Variants in CNTN5 observed in about 807,000 individuals in gnomAD.
CNTN5 encodes contactin 5.
Under a neutral mutation model 129.1 loss-of-function variants are expected in CNTN5, and 77 were observed. That is an observed-to-expected ratio of 0.60 (90% CI 0.50 to 0.72). The LOEUF is 0.72. Ranked by LOEUF, CNTN5 falls within the 30% of genes least tolerant of loss-of-function variation. The pLI, the probability that CNTN5 is intolerant of heterozygous loss-of-function variation, is 0.00. For missense variants in CNTN5, 1,478 were observed against 1,328.8 expected (o/e 1.11, Z -1.75); for synonymous variants, 509 against 465.6 (o/e 1.09, Z -1.20).
intron 24 of CNTN5, among the ~76,000 whole-genome samples, chr11:100,353,167 A>G (rs1952452712): frequency 6.6e-6 from 1 of 151,586 alleles, no homozygotes; most frequent in African/African-American, 2.4e-5. Flanking sequence ...CAAGAAAAAA[A>G]TTGTCAACTT....
At chr11:99,875,088 T>C (rs1004498173) in intron 6 of CNTN5, among the ~76,000 whole-genome samples, 6 of 152,208 alleles carry the variant, frequency 3.9e-5, no homozygotes, top group African/African-American at 1.4e-4. Flanking sequence ...ATTATACTGA[T>C]ACATATAACC....
chr11:99,158,950 T>C (rs1243910720), intron 1 of CNTN5, among the ~76,000 whole-genome samples: 1 of 152,206 alleles, frequency 6.6e-6, no homozygotes, highest in African/African-American at 2.4e-5. Context: ...CAATAATTCA[T>C]TCTTATTACA....
intron 1 of CNTN5, among the ~76,000 whole-genome samples, chr11:99,278,667 A>G (rs929377238): frequency 6.6e-6 from 1 of 151,712 alleles, no homozygotes; most frequent in East Asian, 1.9e-4. Context: ...TGCTATCCGC[A>G]CTTTACCAAG....
chr11:99,813,467 C>T (rs1458541919), intron 3 of CNTN5, among the ~76,000 whole-genome samples: 2 of 151,964 alleles, frequency 1.3e-5, no homozygotes, highest in African/African-American at 4.8e-5. Flanking sequence ...GAAGCAAAAC[C>T]ACAAAAAGAG....
intron 15 of CNTN5, among the ~76,000 whole-genome samples, chr11:100,204,561 C>T (rs12281997): frequency 0.044 from 6,591 of 150,668 alleles, 323 homozygotes; most frequent in African/African-American, 0.12. Flanking sequence ...CTATAGCCCC[C>T]ACCTCCCAGA....
intron 1 of CNTN5, among the ~76,000 whole-genome samples, chr11:99,121,259 C>G (rs906467303): frequency 2.0e-5 from 3 of 151,890 alleles, no homozygotes; most frequent in Admixed American, 1.3e-4. Context: ...TTCAGCCTTC[C>G]AAGTAGCTGG....
intron 3 of CNTN5, among the ~76,000 whole-genome samples, chr11:99,627,750 G>A (rs534179517): frequency 6.6e-6 from 1 of 151,786 alleles, no homozygotes; most frequent in East Asian, 1.9e-4. Context: ...TTAATATCTG[G>A]GCCAGCCAGG....
intron 13 of CNTN5, among the ~76,000 whole-genome samples, chr11:100,162,341 T>C (rs1947483772): frequency 6.6e-6 from 1 of 151,938 alleles, no homozygotes; most frequent in South Asian, 2.1e-4. Flanking sequence ...TTATACTTTA[T>C]TCTATTCACT....
chr11:100,275,930 G>A (rs1174767059), intron 18 of CNTN5, among the ~76,000 whole-genome samples: 1 of 152,174 alleles, frequency 6.6e-6, no homozygotes, highest in African/African-American at 2.4e-5. Flanking sequence ...AGACACCAAT[G>A]TCTGGAGACA....
chr11:99,781,868 T>C lies in CNTN5; in HGVS notation c.56-37676T>C, dbSNP rs7105336. On this transcript the variant is annotated intron_variant, in intron 3 of 24. Transcript: ENST00000524871. Reference sequence around the variant, plus strand: ...ATCTATGACAAACGCACAGCCAATATCATACTGAATGGGCAAAAACTGGAA... The same window carrying C: ...ATCTATGACAAACGCACAGCCAATACCATACTGAATGGGCAAAAACTGGAA... Among the ~76,000 whole-genome samples the C allele has an allele frequency of 5.0e-3, 760 of 152,160 alleles. 6 individuals are homozygous for C. The highest frequency in any genetic ancestry group is 0.017 in the African/African-American group (720 of 41,520).
At chr11:100,337,564 A>G (rs1422759921) in intron 21 of CNTN5, 8 of 744,292 alleles carry the variant, frequency 1.1e-5, no homozygotes, top group Middle Eastern at 2.5e-4. Flanking sequence ...TTTCTGAGCA[A>G]TGAGGGGCAC....
At chr11:99,174,885 T>G (rs2135549506) in intron 1 of CNTN5, among the ~76,000 whole-genome samples, 1 of 152,234 alleles carries the variant, frequency 6.6e-6, no homozygotes, top group East Asian at 1.9e-4. Context: ...ATGTAAAAAT[T>G]ATAATTTCTA....
In CNTN5 at chr11:99,562,520, G is replaced by T. The variant is rs543236794; in HGVS notation, c.55+6251G>T. ...ATATAAATATTAGTTTATTAACTGT[G>T]GTACATGTTTCATACTACCATGAGA... On this transcript the variant is annotated intron_variant, in intron 3 of 24. Transcript: ENST00000524871. 3.3e-5 allele frequency among the ~76,000 whole-genome samples: 5 copies of T among 152,082 alleles called. No individual in the cohort carries two copies. In the South Asian group the frequency reaches 8.3e-4, roughly 25 times the overall value.
At chr11:100,012,395 T>C (rs553384647) in intron 9 of CNTN5, among the ~76,000 whole-genome samples, 95 of 152,264 alleles carry the variant, frequency 6.2e-4, no homozygotes, top group Non-Finnish European at 1.2e-3. Flanking sequence ...CTTCCTGTGA[T>C]GTTCTTGACG....
At chr11:99,736,530 C>A (rs1943716405) in intron 3 of CNTN5, among the ~76,000 whole-genome samples, 1 of 152,110 alleles carries the variant, frequency 6.6e-6, no homozygotes, top group Non-Finnish European at 1.5e-5. Context: ...CTGTGTTAGA[C>A]GATTGTATCT....
At chr11:99,963,219 A>G (rs1407488804) in intron 8 of CNTN5, among the ~76,000 whole-genome samples, 4 of 152,174 alleles carry the variant, frequency 2.6e-5, no homozygotes, top group African/African-American at 4.8e-5. Flanking sequence ...TGTTTTAGAC[A>G]TGAAGTCCTT....
chr11:99,222,424 A>G (rs1433318137), intron 1 of CNTN5, among the ~76,000 whole-genome samples: 1 of 151,786 alleles, frequency 6.6e-6, no homozygotes, highest in African/African-American at 2.4e-5. Context: ...GTGTCAAAAA[A>G]CTCACTAAAC....
At chr11:100,128,031 T>C (rs11822689) in intron 13 of CNTN5, among the ~76,000 whole-genome samples, 10,238 of 152,138 alleles carry the variant, frequency 0.067, 834 homozygotes, top group African/African-American at 0.19. Flanking sequence ...TCTAATATCC[T>C]TTCTGCAGAT....
chr11:99,492,011 T>C (rs1211918997), intron 2 of CNTN5, among the ~76,000 whole-genome samples: 1 of 152,154 alleles, frequency 6.6e-6, no homozygotes, highest in Admixed American at 6.5e-5. Flanking sequence ...GGAATTGTGC[T>C]CTGTTGAAGG....
Sources: allele counts gnomAD v4.1 joint callset (sites outside exome capture counted in the v4.1 genomes callset), GRCh38; gene constraint gnomAD v4.1.1; transcripts MANE v1.5; gene names NCBI Gene and HGNC (gene_info 2026-07-23, HGNC 2026-07-21).